Variants in ASTN1 observed in about 807,000 individuals in gnomAD.
ASTN1 encodes astrotactin-1.
A neutral mutation model predicts 140.7 loss-of-function variants in ASTN1; 41 were observed. The ratio of observed to expected loss-of-function variants is 0.29; its 90% CI spans 0.23 to 0.38. The LOEUF (loss-of-function observed/expected upper bound fraction) is 0.38. Among genes scored for constraint, ASTN1 ranks in the 10% least tolerant of loss-of-function variants. The pLI is 1.00. For missense variants in ASTN1, 1,479 were observed against 1,678.8 expected (o/e 0.88, Z 2.08); for synonymous variants, 640 against 652.2 (o/e 0.98, Z 0.29).
intron 8 of ASTN1, among the ~76,000 whole-genome samples, chr1:177,005,035 A>G (rs1674923619): frequency 1.3e-5 from 2 of 152,186 alleles, no homozygotes; most frequent in Admixed American, 1.3e-4. Context: ...CTTATTTCAT[A>G]ATCAAGAGTA....
rs547553296 is a variant in ASTN1, at chr1:177,050,435, A to C, written c.471+10643T>G. On this transcript the variant is annotated intron_variant, in intron 2 of 22. Coordinates refer to ENST00000361833, the MANE Select transcript of ASTN1 (RefSeq NM_004319.3). ...CATAGTACAACATATTAATAAACTGACATCTGATTCATCCCAAGTTAGAAG... is the reference window on the plus strand; with the variant it reads ...CATAGTACAACATATTAATAAACTGCCATCTGATTCATCCCAAGTTAGAAG... 2.0e-5 allele frequency among the ~76,000 whole-genome samples: 3 copies of C among 152,170 alleles called. No individual in the cohort carries two copies. The South Asian group carries it at 6.2e-4, about 32-fold the overall frequency.
At chr1:176,998,392 C>T (rs1254712495) in intron 8 of ASTN1, among the ~76,000 whole-genome samples, 1 of 152,164 alleles carries the variant, frequency 6.6e-6, no homozygotes, top group Non-Finnish European at 1.5e-5. Flanking sequence ...TCATCTCCCT[C>T]CCGCTCTTAT....
At chr1:176,949,891 G>A (rs1296281251) in intron 11 of ASTN1, among the ~76,000 whole-genome samples, 1 of 152,188 alleles carries the variant, frequency 6.6e-6, no homozygotes, top group Admixed American at 6.5e-5. Flanking sequence ...GCTTAGAGGG[G>A]GGTTGCTCTC....
chr1:176,871,029 C>G (rs1188193999), intron 21 of ASTN1, among the ~76,000 whole-genome samples: 1 of 152,136 alleles, frequency 6.6e-6, no homozygotes, highest in Non-Finnish European at 1.5e-5. Flanking sequence ...TGACTATCTG[C>G]CGTTGCTATT....
chr1:177,040,944 AT>A (rs1325528074), intron 2 of ASTN1, among the ~76,000 whole-genome samples: 1 of 151,974 alleles, frequency 6.6e-6, no homozygotes, highest in African/African-American at 2.4e-5. Context: ...CGTTCTTGAG[AT>A]TTTTTTCTTG....
At chr1:176,867,549 T>C (rs2103010777) in intron 22 of ASTN1, among the ~76,000 whole-genome samples, 1 of 152,302 alleles carries the variant, frequency 6.6e-6, no homozygotes, top group South Asian at 2.1e-4. Flanking sequence ...ATCCCTTACA[T>C]TTTTCTCTCT....
intron 1 of ASTN1, among the ~76,000 whole-genome samples, chr1:177,136,889 T>C (rs1682228600): frequency 6.6e-6 from 1 of 152,106 alleles, no homozygotes; most frequent in Admixed American, 6.5e-5. Context: ...TAAAAATAAT[T>C]TTCCAAGGGT....
chr1:177,065,159 A>G (rs1205119906), intron 1 of ASTN1, among the ~76,000 whole-genome samples: 1 of 152,156 alleles, frequency 6.6e-6, no homozygotes, highest in African/African-American at 2.4e-5. Flanking sequence ...CAAAGTCTCA[A>G]CGAGATCCTA....
chr1:177,084,573 C>G (rs1203461598), intron 1 of ASTN1, among the ~76,000 whole-genome samples: 2 of 152,108 alleles, frequency 1.3e-5, no homozygotes, highest in Admixed American at 6.6e-5. Flanking sequence ...ATTTCATACT[C>G]TTTCCATCTT....
chr1:176,885,086 A>G (rs1224336182), intron 18 of ASTN1, among the ~76,000 whole-genome samples: 1 of 152,182 alleles, frequency 6.6e-6, no homozygotes, highest in Non-Finnish European at 1.5e-5. Flanking sequence ...AGTAATATTC[A>G]TAGGGGGCTT....
chr1:177,151,439 A>T lies in ASTN1; in HGVS notation c.283+12955T>A, dbSNP rs188210507. Among the ~76,000 whole-genome samples, 1,280 of 147,632 alleles carry T rather than the reference A, an allele frequency of 8.7e-3. 23 individuals are homozygous for T. Among genetic ancestry groups the T allele is most frequent in the African/African-American group, 0.028 (1,163 of 41,018 alleles). On this transcript the variant is annotated intron_variant, in intron 1 of 22. Transcript: ENST00000361833. Reference sequence around the variant, plus strand: ...GCCTTACTTTCTTAAAAAAAAAAAAAGAGAGAGAGAAAGAAAATTGTTACC... The same window carrying T: ...GCCTTACTTTCTTAAAAAAAAAAAATGAGAGAGAGAAAGAAAATTGTTACC...
intron 1 of ASTN1, among the ~76,000 whole-genome samples, chr1:177,073,899 TTAGTAA>T (rs1678766719): frequency 6.6e-6 from 1 of 151,938 alleles, no homozygotes; most frequent in Admixed American, 6.6e-5. Flanking sequence ...GTTACCATTA[TTAGTAA>T]TATTAATATT....
intron 16 of ASTN1, among the ~76,000 whole-genome samples, chr1:176,903,082 G>C (rs1669835712): frequency 6.6e-6 from 1 of 152,162 alleles, no homozygotes; most frequent in African/African-American, 2.4e-5. Context: ...GAGAAGCAAA[G>C]GGGATTTAGC....
chr1:177,102,021 A>C (rs1011183047), intron 1 of ASTN1, among the ~76,000 whole-genome samples: 4 of 152,188 alleles, frequency 2.6e-5, no homozygotes, highest in African/African-American at 9.7e-5. Context: ...CACACCTGTC[A>C]TTTTCAAATT....
In ASTN1 at chr1:177,032,461, G is replaced by A. The variant is rs1407640604; in HGVS notation, c.860C>T (p.Thr287Ile). Reference sequence around the variant, plus strand: ...TGCCTTTCTCCCATCCCCACCTGGTGTGAGGTCCATCCCCGACTTTTCATT... The same window carrying A: ...TGCCTTTCTCCCATCCCCACCTGGTATGAGGTCCATCCCCGACTTTTCATT... ...GCNEKSGMDL[T>I]PGSDNAKLSL... The change falls in exon 3 of 23, where the codon ACA becomes ATA. Residue 287 changes from threonine to isoleucine, a missense_variant. Around this residue, in one of 3 missense-constraint regions of ASTN1, gnomAD observed 729 missense variants for 860.4 expected, o/e 0.85. Coordinates refer to ENST00000361833, the MANE Select transcript of ASTN1 (RefSeq NM_004319.3). 6.2e-7 allele frequency: 1 copy of A among 1,613,238 alleles called. No homozygotes were observed. Among genetic ancestry groups the A allele is most frequent in the Non-Finnish European group, 8.5e-7 (1 of 1,179,556 alleles).
At chr1:177,162,622 T>G (rs745739356) in intron 1 of ASTN1, among the ~76,000 whole-genome samples, 5 of 152,204 alleles carry the variant, frequency 3.3e-5, no homozygotes. Context: ...GTTGAATACC[T>G]GCTAGCCCTC....
At chr1:176,869,844 T>G (rs947913352) in intron 21 of ASTN1, among the ~76,000 whole-genome samples, 1 of 152,130 alleles carries the variant, frequency 6.6e-6, no homozygotes, top group Non-Finnish European at 1.5e-5. Flanking sequence ...AGTGAGGCAC[T>G]GTCAGGCAGT....
chr1:176,893,156 C>T (rs1355396261), intron 17 of ASTN1, among the ~76,000 whole-genome samples: 1 of 152,186 alleles, frequency 6.6e-6, no homozygotes, highest in Non-Finnish European at 1.5e-5. Flanking sequence ...TTTCTCCATT[C>T]TGGAGCTCTG....
At chr1:176,902,971 G>A (rs1022061932) in intron 16 of ASTN1, among the ~76,000 whole-genome samples, 1 of 152,192 alleles carries the variant, frequency 6.6e-6, no homozygotes, top group African/African-American at 2.4e-5. Flanking sequence ...CAGCTAGACT[G>A]TTAGTTCCCA....
Sources: allele counts gnomAD v4.1 joint callset (sites outside exome capture counted in the v4.1 genomes callset), GRCh38; gene constraint gnomAD v4.1.1; regional missense constraint gnomAD v4.1.1; transcripts MANE v1.5; gene names NCBI Gene and HGNC (gene_info 2026-07-23, HGNC 2026-07-21).